The following MRPS6 variants were observed in gnomAD, a reference collection of about 807,000 sequenced individuals.
MRPS6 encodes the protein mitochondrial ribosomal protein S6.
Under a neutral mutation model 13.1 loss-of-function variants are expected in MRPS6, and 6 were observed. That is an observed-to-expected ratio of 0.46 (90% CI 0.25 to 0.91). The LOEUF (loss-of-function observed/expected upper bound fraction) is 0.91, where lower values mean the gene tolerates loss of function less well. Ranked by LOEUF, MRPS6 falls within the 40% of genes least tolerant of loss-of-function variation. The pLI is 0.18. For synonymous variants in MRPS6, 61 were observed against 56.5 expected (o/e 1.08, Z -0.36); for missense variants, 164 against 155.6 (o/e 1.05, Z -0.29).
intron 2 of MRPS6, among the ~76,000 whole-genome samples, chr21:34,128,639 CTG>C (rs1182897603): frequency 1.3e-5 from 2 of 152,174 alleles, no homozygotes; most frequent in African/African-American, 4.8e-5. Flanking sequence ...GCCTGTAAGT[CTG>C]TTGTTTATAA....
At chr21:34,094,975 C>T (rs1011103233) in intron 1 of MRPS6, 28 of 533,794 alleles carry the variant, frequency 5.2e-5, no homozygotes, top group African/African-American at 5.0e-4. Context: ...GAGCTAAGTT[C>T]TCAATCCCAA....
intron 2 of MRPS6, among the ~76,000 whole-genome samples, chr21:34,133,193 T>TA (rs1293374937): frequency 6.6e-6 from 1 of 152,228 alleles, no homozygotes; most frequent in Non-Finnish European, 1.5e-5. Context: ...AGACACTTCT[T>TA]TTTTAAGTTC....
At chr21:34,075,653 A>G (rs1435441326) in intron 1 of MRPS6, among the ~76,000 whole-genome samples, 1 of 152,232 alleles carries the variant, frequency 6.6e-6, no homozygotes, top group Non-Finnish European at 1.5e-5. Flanking sequence ...TGACTTATGT[A>G]CAATGGCGAA....
At chr21:34,123,179 G>C (rs1980182161) in intron 1 of MRPS6, 3 of 152,072 alleles carry the variant, frequency 2.0e-5, no homozygotes, top group Non-Finnish European at 4.4e-5. Context: ...CCAATACTTA[G>C]CACATTTCAT....
At chr21:34,137,915 T>C (rs544750004) in intron 2 of MRPS6, among the ~76,000 whole-genome samples, 7 of 152,308 alleles carry the variant, frequency 4.6e-5, no homozygotes, top group Admixed American at 4.6e-4. Flanking sequence ...TTTTTTCAAA[T>C]GTTAAGCCAA....
intron 1 of MRPS6, among the ~76,000 whole-genome samples, chr21:34,084,844 CAGACTT>C (rs1989535952): frequency 6.6e-6 from 1 of 152,096 alleles, no homozygotes; most frequent in Non-Finnish European, 1.5e-5. Context: ...AAAAAAATTT[CAGACTT>C]AAAGAGCAGT....
chr21:34,135,350 T>TTG, intron 2 of MRPS6: 2 of 130,792 alleles, frequency 1.5e-5, no homozygotes, highest in Admixed American at 7.1e-5. Context: ...GAGCCGGTTT[T>TTG]TTTTTTTTTT....
chr21:34,078,897 T>C (rs1210415967), intron 1 of MRPS6, among the ~76,000 whole-genome samples: 1 of 152,244 alleles, frequency 6.6e-6, no homozygotes, highest in Non-Finnish European at 1.5e-5. Flanking sequence ...AGTTTATCTG[T>C]TTTTAGTGGA....
chr21:34,134,585 C>T (rs1464206669), intron 2 of MRPS6, among the ~76,000 whole-genome samples: 2 of 152,184 alleles, frequency 1.3e-5, no homozygotes, highest in African/African-American at 4.8e-5. Flanking sequence ...CTCACAGAAT[C>T]ACCACGGTCA....
chr21:34,082,795 C>G (rs552771741), intron 1 of MRPS6, among the ~76,000 whole-genome samples: 1 of 152,258 alleles, frequency 6.6e-6, no homozygotes, highest in South Asian at 2.1e-4. Flanking sequence ...AAAACGAACT[C>G]AGATCCCAGG....
chr21:34,142,591 G>A lies in MRPS6; in HGVS notation c.369G>A (p.Arg123=). The change falls in exon 3 of 3, where the codon AGG becomes AGA. Residue 123 remains arginine (R), a synonymous_variant. Coordinates refer to ENST00000399312, the MANE Select transcript of MRPS6 (RefSeq NM_032476.4). The part of the protein sequence containing the change: ...LAEKLYSTKK[R]KK ...AAAAATTATATTCCACAAAGAAGAGGAAGAAGTGAGAAGATTCGCCAGATT... is the reference window on the plus strand; with the variant it reads ...AAAAATTATATTCCACAAAGAAGAGAAAGAAGTGAGAAGATTCGCCAGATT... 6.3e-7 allele frequency: 1 copy of A among 1,597,908 alleles called. No individual in the cohort carries two copies. Among genetic ancestry groups the A allele is most frequent in the Non-Finnish European group, 8.5e-7 (1 of 1,174,084 alleles).
chr21:34,132,675 G>A (rs182070069), intron 2 of MRPS6, among the ~76,000 whole-genome samples: 2 of 152,294 alleles, frequency 1.3e-5, no homozygotes, highest in Admixed American at 6.5e-5. Context: ...TCTGGAGTCC[G>A]GAGCTTGACT....
At chr21:34,129,066 A>G (rs781748749) in intron 2 of MRPS6, among the ~76,000 whole-genome samples, 8 of 152,090 alleles carry the variant, frequency 5.3e-5, no homozygotes, top group Non-Finnish European at 1.2e-4. Flanking sequence ...GGGACAGACA[A>G]GGTGTTGGTG....
chr21:34,089,659 C>T (rs1239816633), intron 1 of MRPS6, among the ~76,000 whole-genome samples: 1 of 152,032 alleles, frequency 6.6e-6, no homozygotes, highest in African/African-American at 2.4e-5. Context: ...TTAACCCCTC[C>T]CCACTCCTGT....
intron 1 of MRPS6, among the ~76,000 whole-genome samples, chr21:34,087,353 A>G (rs1385318866): frequency 1.3e-5 from 2 of 152,168 alleles, no homozygotes; most frequent in African/African-American, 2.4e-5. Flanking sequence ...AGCAGTCTTG[A>G]TGGCGAAGAA....
chr21:34,102,460 C>G (rs1410688662), intron 1 of MRPS6: 1 of 1,000,078 alleles, frequency 1.0e-6, no homozygotes, highest in African/African-American at 1.7e-5. Flanking sequence ...TATCCAGTAA[C>G]CAACAACCCT....
At chr21:34,077,387 G>A (rs149495168) in intron 1 of MRPS6, among the ~76,000 whole-genome samples, 3 of 152,282 alleles carry the variant, frequency 2.0e-5, no homozygotes, top group East Asian at 3.9e-4. Context: ...CGCTAATTAC[G>A]TCTCGTGCCC....
intron 1 of MRPS6, among the ~76,000 whole-genome samples, chr21:34,081,811 GTTTA>G (rs1373769212): frequency 6.6e-6 from 1 of 152,116 alleles, no homozygotes; most frequent in Non-Finnish European, 1.5e-5. Flanking sequence ...ATTATTCCCA[GTTTA>G]TTAATGAAGA....
intron 1 of MRPS6, among the ~76,000 whole-genome samples, chr21:34,087,599 G>A (rs1978460098): frequency 6.6e-6 from 1 of 152,200 alleles, no homozygotes; most frequent in African/African-American, 2.4e-5. Context: ...GATGGTCAGG[G>A]AAGTTACTTT....
Sources: allele counts gnomAD v4.1 joint callset (sites outside exome capture counted in the v4.1 genomes callset), GRCh38; gene constraint gnomAD v4.1.1; transcripts MANE v1.5; gene names NCBI Gene and HGNC (gene_info 2026-07-23, HGNC 2026-07-21).